Variants in FMO1 observed in about 807,000 individuals in gnomAD.
FMO1 encodes the protein flavin-containing monooxygenase 1.
A neutral mutation model predicts 45.4 loss-of-function variants in FMO1; 36 were observed. That is an observed-to-expected ratio of 0.79 (90% CI 0.61 to 1.05). The LOEUF (loss-of-function observed/expected upper bound fraction) is 1.05. Among genes scored for constraint, FMO1 ranks in the 50% least tolerant of loss-of-function variants. The pLI is 0.00. For synonymous variants in FMO1, 228 were observed against 227.2 expected (o/e 1.00, Z -0.03); for missense variants, 615 against 640.3 (o/e 0.96, Z 0.43).
At chr1:171,257,990 A>C in intron 1 of FMO1, 92 bp from the exon 2 acceptor site, 1 of 1,471,718 alleles carries the variant, frequency 6.8e-7, no homozygotes, top group Non-Finnish European at 9.4e-7. Flanking sequence ...CAAATCGCCT[A>C]ATCTTCCAAA....
intron 2 of FMO1, among the ~76,000 whole-genome samples, chr1:171,263,374 T>C (rs975754913): frequency 6.6e-6 from 1 of 152,182 alleles, no homozygotes; most frequent in Non-Finnish European, 1.5e-5. Flanking sequence ...CAGCTAAAAA[T>C]GTAGAGCTTG....
chr1:171,258,332 G>A (rs991782356), intron 2 of FMO1, 113 bp downstream of exon 2: 3 of 1,300,994 alleles, frequency 2.3e-6, no homozygotes, highest in Non-Finnish European at 3.2e-6. Flanking sequence ...GGTTAGAAAT[G>A]TCTGCTGAAC....
chr1:171,276,027 T>C (rs1661094491), intron 4 of FMO1, among the ~76,000 whole-genome samples: 1 of 152,246 alleles, frequency 6.6e-6, no homozygotes, highest in Non-Finnish European at 1.5e-5. Flanking sequence ...TTAAGACATC[T>C]TTGGGTCTCA....
chr1:171,268,561 G>A (rs188412345), intron 3 of FMO1, among the ~76,000 whole-genome samples: 1 of 152,332 alleles, frequency 6.6e-6, no homozygotes, highest in East Asian at 1.9e-4. Flanking sequence ...CTGGAGACAG[G>A]AGGAAGGTAG....
In FMO1 at chr1:171,280,902, A is replaced by C; in HGVS notation, c.744A>C (p.Pro248=). ...AGAACATGTTGAGAAATTCCCTCCC[A>C]ACCCCAATTGTGACTTGGTTGATGG... ...RFQNMLRNSL[P]TPIVTWLMER... Residue 248 remains proline, a synonymous_variant, in exon 6 of 9, where the codon CCA becomes CCC. Transcript: ENST00000617670. 6.2e-7 allele frequency: 1 copy of C among 1,613,998 alleles called. No homozygotes were observed. Among genetic ancestry groups the C allele is most frequent in the Non-Finnish European group, 8.5e-7 (1 of 1,179,874 alleles).
Position 171,285,237 on chromosome 1 carries a change from A to T in FMO1, c.1292A>T (p.Asp431Val), listed in dbSNP as rs1317853287. ...GLCYCKALQS[D>V]YITYIDELLT... ...TGCTACTGCAAGGCTTTACAATCAG[A>T]TTATATCACATACATAGATGAACTC... The change falls in exon 9 of 9, where the codon GAT (aspartate) becomes GTT (valine). Residue 431 changes from aspartate (D) to valine (V), a missense_variant. Physicochemically the swap from Asp to Val is radical, Grantham distance 152. Coordinates refer to ENST00000617670, the MANE Select transcript of FMO1 (RefSeq NM_001282693.2). 2.5e-6 allele frequency: 4 copies of T among 1,612,874 alleles called. No individual in the cohort carries two copies. Among genetic ancestry groups the T allele is most frequent in the Non-Finnish European group, 3.4e-6 (4 of 1,179,512 alleles).
chr1:171,262,749 G>A (rs1431913448), intron 2 of FMO1, among the ~76,000 whole-genome samples: 2 of 152,004 alleles, frequency 1.3e-5, no homozygotes, highest in Non-Finnish European at 2.9e-5. Flanking sequence ...TATCATCCTA[G>A]TGGGGTACCC....
At chr1:171,254,310 G>T (rs187994799) in intron 1 of FMO1, among the ~76,000 whole-genome samples, 18 of 152,146 alleles carry the variant, frequency 1.2e-4, no homozygotes, top group Admixed American at 2.0e-4. Context: ...AGCTGGTTTC[G>T]AACTTCTGAC....
intron 3 of FMO1, among the ~76,000 whole-genome samples, chr1:171,268,027 C>T (rs1660690403): frequency 6.6e-6 from 1 of 152,194 alleles, no homozygotes; most frequent in Admixed American, 6.5e-5. Context: ...GGCCAAATGC[C>T]TGCCCACATG....
At chr1:171,261,373 T>A (rs1660373129) in intron 2 of FMO1, among the ~76,000 whole-genome samples, 1 of 151,652 alleles carries the variant, frequency 6.6e-6, no homozygotes. Context: ...GCACTCAAGG[T>A]AGGTGGCCCA....
chr1:171,259,876 A>C (rs1660307808), intron 2 of FMO1, among the ~76,000 whole-genome samples: 2 of 152,214 alleles, frequency 1.3e-5, no homozygotes, highest in South Asian at 4.1e-4. Flanking sequence ...CACAAAAATG[A>C]GGATTCACCC....
At chr1:171,277,857 C>G (rs889249603) in intron 4 of FMO1, among the ~76,000 whole-genome samples, 2 of 152,066 alleles carry the variant, frequency 1.3e-5, no homozygotes, top group Non-Finnish European at 1.5e-5. Context: ...TAATGCCACT[C>G]CCCACAAGTA....
intron 3 of FMO1, among the ~76,000 whole-genome samples, chr1:171,268,361 A>C (rs1660708331): frequency 6.6e-6 from 1 of 152,232 alleles, no homozygotes; most frequent in Non-Finnish European, 1.5e-5. Flanking sequence ...CTGGGATTAC[A>C]GGCATGAGCC....
chr1:171,285,126 TTTGGGCACTTGTAC>T, intron 8 of FMO1, 62 bp from the exon 9 acceptor site: 1 of 966,180 alleles, frequency 1.0e-6, no homozygotes, highest in Non-Finnish European at 1.5e-6. Context: ...ATTTGTTTGC[TTTGGGCACTTGTAC>T]TTGTTCTAAG....
At chr1:171,266,392 C>T (rs975083688) in intron 2 of FMO1, among the ~76,000 whole-genome samples, 2 of 152,182 alleles carry the variant, frequency 1.3e-5, no homozygotes, top group Non-Finnish European at 2.9e-5. Flanking sequence ...TTGAATAACA[C>T]TGCATTAGAT....
At chr1:171,258,032 G>A in intron 1 of FMO1, 50 bp from the exon 2 acceptor site, 3 of 1,610,250 alleles carry the variant, frequency 1.9e-6, no homozygotes, top group Non-Finnish European at 2.5e-6. Context: ...AGCAGCCAAG[G>A]GTGGGGTGGA....
At chr1:171,258,783 G>A (rs1413873397) in intron 2 of FMO1, among the ~76,000 whole-genome samples, 1 of 152,054 alleles carries the variant, frequency 6.6e-6, no homozygotes, top group African/African-American at 2.4e-5. Flanking sequence ...TTTATTCCCT[G>A]AGCAGAAGAA....
At chr1:171,268,314 G>A (rs1172728268) in intron 3 of FMO1, among the ~76,000 whole-genome samples, 5 of 152,126 alleles carry the variant, frequency 3.3e-5, no homozygotes, top group African/African-American at 1.2e-4. Context: ...CAAACACCTG[G>A]GCTCAAGCAA....
At chr1:171,278,655 C>A in intron 4 of FMO1, 74 bp from the exon 5 acceptor site, 2 of 1,148,616 alleles carry the variant, frequency 1.7e-6, no homozygotes, top group Non-Finnish European at 2.4e-6. Context: ...AGAATGTTAT[C>A]AACTGAAGAA....
Sources: allele counts gnomAD v4.1 joint callset (sites outside exome capture counted in the v4.1 genomes callset), GRCh38; gene constraint gnomAD v4.1.1; transcripts MANE v1.5; gene names NCBI Gene and HGNC (gene_info 2026-07-23, HGNC 2026-07-21).